Variants in CADPS observed in about 807,000 individuals in gnomAD.
CADPS encodes calcium-dependent secretion activator 1.
In CADPS, 57 loss-of-function variants were observed where a neutral mutation model predicts 167.3. The observed-to-expected ratio is 0.34, with a 90% confidence interval of 0.28 to 0.42. CADPS has a LOEUF of 0.42. Ranked by LOEUF, CADPS falls within the 20% of genes least tolerant of loss-of-function variation. The probability of loss-of-function intolerance (pLI) is 1.00; values close to 1 mark genes in which losing one functional copy is unlikely to be tolerated. For synonymous variants in CADPS, 676 were observed against 635.3 expected (o/e 1.06, Z -0.96); for missense variants, 1,414 against 1,738.1 (o/e 0.81, Z 3.32).
chr3:62,716,550 C>G (rs963098811), intron 3 of CADPS, among the ~76,000 whole-genome samples: 10 of 152,174 alleles, frequency 6.6e-5, no homozygotes, highest in African/African-American at 2.4e-4. Context: ...GCACTTTGCC[C>G]TTTTCTGAAG....
intron 17 of CADPS, among the ~76,000 whole-genome samples, chr3:62,510,066 G>A (rs1348455458): frequency 1.3e-5 from 2 of 152,076 alleles, no homozygotes; most frequent in East Asian, 1.9e-4. Context: ...ATAGGTGGCT[G>A]CTCTCTTCTC....
chr3:62,718,037 T>C (rs1195784704), intron 3 of CADPS, among the ~76,000 whole-genome samples: 1 of 151,998 alleles, frequency 6.6e-6, no homozygotes, highest in Non-Finnish European at 1.5e-5. Context: ...GAGTAATTTT[T>C]TTTTTCTCTT....
intron 13 of CADPS, among the ~76,000 whole-genome samples, chr3:62,532,067 G>T (rs982698589): frequency 6.6e-6 from 1 of 152,126 alleles, no homozygotes; most frequent in Non-Finnish European, 1.5e-5. Flanking sequence ...CATCATCTTT[G>T]CCTTCCAGCT....
At chr3:62,674,114 G>C (rs898332815) in intron 3 of CADPS, among the ~76,000 whole-genome samples, 1 of 152,134 alleles carries the variant, frequency 6.6e-6, no homozygotes, top group Non-Finnish European at 1.5e-5. Context: ...TGTGGCTTTT[G>C]TGAATGTGTA....
chr3:62,503,296 C>T (rs762188257), intron 17 of CADPS, among the ~76,000 whole-genome samples: 3 of 152,184 alleles, frequency 2.0e-5, no homozygotes, highest in East Asian at 1.9e-4. Context: ...TTACTTTCTA[C>T]GTAACCTTGC....
chr3:62,545,045 C>A (rs567243353), intron 11 of CADPS, among the ~76,000 whole-genome samples: 1 of 152,178 alleles, frequency 6.6e-6, no homozygotes, highest in East Asian at 1.9e-4. Context: ...CCAACAGTAA[C>A]CCAAATCCCC....
In CADPS at chr3:62,465,582, C is replaced by T; in HGVS notation, c.3553-132G>A. The stretch of plus-strand genomic sequence containing the variant: ...CATTTCTGCAGTCTATTATTTGATT[C>T]CCGCCTTCGGAGAAAGGAATAGACT... On this transcript the variant is annotated intron_variant, in intron 25 of 29. Coordinates refer to ENST00000383710, the MANE Select transcript of CADPS (RefSeq NM_003716.4). This position sits in a 1 kb window ranked among gnomAD's most constrained non-coding sequence, Gnocchi z 4.1. 1 of 562,502 alleles carries T rather than the reference C, an allele frequency of 1.8e-6. No homozygotes were observed. Among genetic ancestry groups the T allele is most frequent in the Non-Finnish European group, 3.1e-6 (1 of 318,226 alleles). The allele number at this position is 562,502 out of a possible 1,614,324, so 34.8% of individuals were successfully genotyped here.
chr3:62,631,626 A>G (rs2065288965), intron 6 of CADPS, among the ~76,000 whole-genome samples: 1 of 152,204 alleles, frequency 6.6e-6, no homozygotes, highest in Non-Finnish European at 1.5e-5. Flanking sequence ...TCTGCTGTTT[A>G]TACAATAACT....
intron 3 of CADPS, among the ~76,000 whole-genome samples, chr3:62,677,044 T>C (rs954516915): frequency 1.3e-5 from 2 of 152,108 alleles, no homozygotes; most frequent in Non-Finnish European, 2.9e-5. Context: ...GCACTGGCAA[T>C]TTATACTGGC....
chr3:62,461,354 G>A (rs934065558), intron 26 of CADPS, among the ~76,000 whole-genome samples: 6 of 152,084 alleles, frequency 3.9e-5, no homozygotes, highest in Admixed American at 6.5e-5. Flanking sequence ...CTTGTTCCAG[G>A]TCACACAGCT....
intron 2 of CADPS, among the ~76,000 whole-genome samples, chr3:62,756,057 CTT>C (rs59705571): frequency 9.2e-5 from 13 of 142,018 alleles, no homozygotes; most frequent in Admixed American, 1.4e-4. Context: ...TTTTCTTTTT[CTT>C]TTTTTTTTTT....
chr3:62,644,540 A>G (rs1193505066), intron 6 of CADPS, among the ~76,000 whole-genome samples: 2 of 152,180 alleles, frequency 1.3e-5, no homozygotes, highest in South Asian at 2.1e-4. Flanking sequence ...TACATCTCCA[A>G]TGCATACTTT....
At position 62,438,552 on chromosome 3, in the gene CADPS, C is replaced by T. The variant is rs767750414; in HGVS notation, c.3670-341G>A. 13 of 220,036 alleles carry T rather than the reference C, an allele frequency of 5.9e-5. No individual in the cohort carries two copies. The highest frequency in any genetic ancestry group is 8.1e-5 in the Non-Finnish European group (9 of 111,606). The allele number at this position is 220,036 out of a possible 1,614,324, so 13.6% of individuals were successfully genotyped here. A position where few individuals can be genotyped will look rare whatever the true frequency, so the allele number is the denominator to read the frequency against. On this transcript the variant is annotated intron_variant, in intron 27 of 29. Transcript: ENST00000383710. The surrounding 1 kb of genome is among the most constrained non-coding windows in gnomAD (Gnocchi z 4.7). ...TCTCTGACTTTGCCTTGGATTGAAA[C>T]CTGCATTAAAGAATATCCAAACATA...
At chr3:62,422,410 C>T (rs1490257449) in intron 28 of CADPS, among the ~76,000 whole-genome samples, 2 of 152,200 alleles carry the variant, frequency 1.3e-5, no homozygotes, top group African/African-American at 2.4e-5. Context: ...TAACAGCTGA[C>T]GATCTATCGG....
intron 1 of CADPS, among the ~76,000 whole-genome samples, chr3:62,807,871 CTTT>C (rs1477995728): frequency 6.2e-4 from 82 of 132,290 alleles, no homozygotes; most frequent in African/African-American, 3.2e-3. Flanking sequence ...TTTCTTTTTT[CTTT>C]CTTTCTTTCT....
chr3:62,552,892 A>T (rs545726215), intron 10 of CADPS, among the ~76,000 whole-genome samples: 1 of 152,292 alleles, frequency 6.6e-6, no homozygotes, highest in East Asian at 1.9e-4. Context: ...TAAAATACCT[A>T]ATTTGAGTAG....
chr3:62,771,341 G>A (rs1012974462), intron 1 of CADPS, among the ~76,000 whole-genome samples: 4 of 152,106 alleles, frequency 2.6e-5, no homozygotes, highest in Admixed American at 1.3e-4. Flanking sequence ...GTCAGAAATC[G>A]CATACTCATC....
intron 17 of CADPS, among the ~76,000 whole-genome samples, chr3:62,511,470 G>C (rs1014550188): frequency 1.3e-5 from 2 of 152,060 alleles, no homozygotes; most frequent in African/African-American, 2.4e-5. Flanking sequence ...TCTTATAAGG[G>C]ATTTTGAGGA....
intron 5 of CADPS, among the ~76,000 whole-genome samples, chr3:62,650,160 T>C (rs959958890): frequency 6.6e-6 from 1 of 152,206 alleles, no homozygotes; most frequent in African/African-American, 2.4e-5. Flanking sequence ...TAACCTATTT[T>C]CCAAAATGGC....
Sources: allele counts gnomAD v4.1 joint callset (sites outside exome capture counted in the v4.1 genomes callset), GRCh38; gene constraint gnomAD v4.1.1; non-coding constraint Gnocchi (gnomAD v3.1); transcripts MANE v1.5; gene names NCBI Gene and HGNC (gene_info 2026-07-23, HGNC 2026-07-21).